The following DGKB variants were observed in gnomAD, a reference collection of about 807,000 sequenced individuals.
The protein encoded by DGKB is diacylglycerol kinase beta.
DGKB carries 67 observed loss-of-function variants against 114.3 expected under a neutral mutation model. The ratio of observed to expected loss-of-function variants is 0.59; its 90% CI spans 0.48 to 0.72. DGKB has a LOEUF of 0.72. DGKB is among the 30% of genes least tolerant of loss of function. The pLI, the probability that DGKB is intolerant of heterozygous loss-of-function variation, is 0.00. For missense variants in DGKB, 907 were observed against 975.2 expected (o/e 0.93, Z 0.93); for synonymous variants, 398 against 323.1 (o/e 1.23, Z -2.49).
intron 23 of DGKB, among the ~76,000 whole-genome samples, chr7:14,204,600 G>C (rs1786453101): frequency 6.6e-6 from 1 of 151,954 alleles, no homozygotes; most frequent in African/African-American, 2.4e-5. Context: ...AAATTGTCTT[G>C]GTAAACTCTT....
intron 23 of DGKB, among the ~76,000 whole-genome samples, chr7:14,312,631 G>T (rs553201766): frequency 2.0e-5 from 3 of 152,258 alleles, no homozygotes; most frequent in Admixed American, 2.0e-4. Flanking sequence ...CTTGTTTAAA[G>T]AAAAACACTT....
intron 21 of DGKB, among the ~76,000 whole-genome samples, chr7:14,395,448 CA>C (rs1822065065): frequency 6.6e-6 from 1 of 151,310 alleles, no homozygotes; most frequent in African/African-American, 2.4e-5. Flanking sequence ...ATATTATTTC[CA>C]GAAGAAATGT....
chr7:14,414,601 T>A (rs1221763713), intron 21 of DGKB, among the ~76,000 whole-genome samples: 1 of 152,146 alleles, frequency 6.6e-6, no homozygotes, highest in Non-Finnish European at 1.5e-5. Context: ...CTTACAACAT[T>A]AAAATTCTTT....
At chr7:14,840,188 C>G (rs1847727421) in intron 2 of DGKB, among the ~76,000 whole-genome samples, 2 of 152,136 alleles carry the variant, frequency 1.3e-5, no homozygotes, top group South Asian at 2.1e-4. Context: ...GACCAGATGC[C>G]TTAATTTTTA....
intron 23 of DGKB, among the ~76,000 whole-genome samples, chr7:14,296,760 GTTTTT>G (rs56367420): frequency 1.2e-4 from 12 of 100,830 alleles, no homozygotes; most frequent in East Asian, 3.2e-4. Context: ...TCCAGGGACT[GTTTTT>G]TTTTTTTTTT....
chr7:14,585,472 G>A (rs78605246), intron 17 of DGKB, among the ~76,000 whole-genome samples: 3,371 of 152,224 alleles, frequency 0.022, 140 homozygotes, highest in African/African-American at 0.077. Context: ...ATTCATTCAT[G>A]TTGTAGCTGA....
chr7:14,635,342 G>T lies in DGKB; in HGVS notation c.1135-5074C>A, dbSNP rs77748505. Among the ~76,000 whole-genome samples, 339 of 89,426 alleles carry T rather than the reference G, an allele frequency of 3.8e-3. 2 individuals are homozygous for T. Among genetic ancestry groups the T allele is most frequent in the African/African-American group, 0.018 (312 of 17,482 alleles). 58.7% of individuals were successfully genotyped at this position (89,426 alleles called of 152,430 possible). On this transcript the variant is annotated intron_variant, in intron 13 of 25. Transcript: ENST00000402815. ...TTAAAAAATAAAAACATGTATTTGG[G>T]GGCTATTAGAGACACAGAAGAAATT...
intron 21 of DGKB, among the ~76,000 whole-genome samples, chr7:14,440,125 T>C (rs1351233890): frequency 6.6e-6 from 1 of 152,066 alleles, no homozygotes; most frequent in Non-Finnish European, 1.5e-5. Context: ...TCATATTTGT[T>C]GGGTAGAAAG....
At chr7:14,446,038 TAATTGA>T (rs1180945157) in intron 21 of DGKB, among the ~76,000 whole-genome samples, 4 of 152,118 alleles carry the variant, frequency 2.6e-5, no homozygotes. Context: ...TTTCTTGACT[TAATTGA>T]ATATCTAGTT....
intron 21 of DGKB, among the ~76,000 whole-genome samples, chr7:14,453,637 C>T (rs1054762506): frequency 4.5e-4 from 69 of 152,092 alleles, no homozygotes; most frequent in African/African-American, 1.5e-3. Context: ...TGTAATTTTT[C>T]GAACACTTTC....
At chr7:14,647,782 C>T (rs1427156251) in intron 13 of DGKB, among the ~76,000 whole-genome samples, 3 of 152,128 alleles carry the variant, frequency 2.0e-5, no homozygotes, top group African/African-American at 7.2e-5. Flanking sequence ...GGTCAGTGGT[C>T]GCGCGCACCA....
chr7:14,400,949 T>C (rs1322073711), intron 21 of DGKB, among the ~76,000 whole-genome samples: 1 of 151,774 alleles, frequency 6.6e-6, no homozygotes, highest in Admixed American at 6.6e-5. Flanking sequence ...TATCCTTGAC[T>C]GCCTCCCCAC....
At chr7:14,424,592 G>A (rs1461646569) in intron 21 of DGKB, among the ~76,000 whole-genome samples, 1 of 151,858 alleles carries the variant, frequency 6.6e-6, no homozygotes, top group Admixed American at 6.6e-5. Context: ...ACTACTGAGA[G>A]GTAGGTTTTA....
At chr7:14,942,264 T>C (rs555284455) in intron 1 of DGKB, among the ~76,000 whole-genome samples, 1 of 152,038 alleles carries the variant, frequency 6.6e-6, no homozygotes, top group Non-Finnish European at 1.5e-5. Context: ...GAAGTCTTCA[T>C]CCCTTTTCAA....
chr7:14,776,986 G>T (rs1838298177), intron 2 of DGKB, among the ~76,000 whole-genome samples: 1 of 152,196 alleles, frequency 6.6e-6, no homozygotes, highest in Non-Finnish European at 1.5e-5. Flanking sequence ...CCAAGGCTCT[G>T]TGAGTCCACC....
chr7:14,304,028 CA>C (rs1804009102), intron 23 of DGKB, among the ~76,000 whole-genome samples: 1 of 144,306 alleles, frequency 6.9e-6, no homozygotes, highest in Non-Finnish European at 1.5e-5. Context: ...TGCTATTATA[CA>C]CCATTTGTTC....
chr7:14,392,717 G>T (rs1821505484), intron 21 of DGKB, among the ~76,000 whole-genome samples: 1 of 152,020 alleles, frequency 6.6e-6, no homozygotes, highest in Non-Finnish European at 1.5e-5. Context: ...AAAGAGTTTG[G>T]TCAAATCCTA....
Position 14,338,704 on chromosome 7 carries a change from C to A in DGKB, c.1933G>T (p.Gly645Ter). ...LHESVEIECD[G>*]VQIDLINISL... ...ATGTTTATTAAATCTATCTGTACTC[C>A]ATCACACTGATCGGTAAAAAGAAAG... is the stretch of plus-strand genomic sequence containing the variant. Residue 645 changes from glycine (G) to a stop codon, truncating the protein, a stop_gained, in exon 23 of 26, where the codon GGA (glycine) becomes TGA (stop). Coordinates refer to ENST00000402815, the MANE Select transcript of DGKB (RefSeq NM_001350709.2). LOFTEE classifies it high-confidence loss of function. The A allele has an allele frequency of 6.8e-7, 1 of 1,474,960 alleles. No individual in the cohort carries two copies. The highest frequency in any genetic ancestry group is 9.0e-7 in the Non-Finnish European group (1 of 1,106,732). The allele number at this position is 1,474,960 out of a possible 1,614,324, so 91.4% of individuals were successfully genotyped here.
intron 13 of DGKB, among the ~76,000 whole-genome samples, chr7:14,660,837 T>A (rs1816905298): frequency 6.6e-6 from 1 of 152,048 alleles, no homozygotes; most frequent in African/African-American, 2.4e-5. Context: ...AACAGCATGC[T>A]ACTGGTACCA....
Sources: gnomAD v4.1 joint callset for allele counts (sites outside exome capture counted in the v4.1 genomes callset) on GRCh38, gnomAD v4.1.1 for gene constraint, MANE v1.5 for transcripts, NCBI Gene and HGNC (gene_info 2026-07-23, HGNC 2026-07-21) for gene names.